Variants in CPLX2 observed in about 807,000 individuals in gnomAD.
The protein encoded by CPLX2 is complexin 2, also known as complexin-2.
Under a neutral mutation model 16.3 loss-of-function variants are expected in CPLX2, and 5 were observed. The ratio of observed to expected loss-of-function variants is 0.31; its 90% CI spans 0.16 to 0.64. The LOEUF (loss-of-function observed/expected upper bound fraction) is 0.64. CPLX2 is among the 30% of genes least tolerant of loss of function. The pLI is 0.79. For synonymous variants in CPLX2, 89 were observed against 73.2 expected, an observed-to-expected ratio of 1.22 and a Z score of -1.10; for missense variants, 144 against 181.4, an observed-to-expected ratio of 0.79 and a Z score of 1.18.
intron 2 of CPLX2, among the ~76,000 whole-genome samples, chr5:175,817,135 T>C (rs576911362): frequency 6.6e-6 from 1 of 152,368 alleles, no homozygotes; most frequent in African/African-American, 2.4e-5. Flanking sequence ...TCCAAGACAC[T>C]TGCCATGCTT....
chr5:175,837,111 C>G (rs1403244104), intron 2 of CPLX2, among the ~76,000 whole-genome samples: 1 of 152,234 alleles, frequency 6.6e-6, no homozygotes, highest in Non-Finnish European at 1.5e-5. Flanking sequence ...TTCTCCACAC[C>G]TGCAAGGTGG....
intron 2 of CPLX2, among the ~76,000 whole-genome samples, chr5:175,842,508 C>T (rs1390229628): frequency 6.6e-6 from 1 of 152,240 alleles, no homozygotes; most frequent in Non-Finnish European, 1.5e-5. Context: ...GCCCCGCTTC[C>T]TGATTGTGCC....
At chr5:175,875,084 C>G (rs1237219600) in intron 1 of CPLX2, among the ~76,000 whole-genome samples, 1 of 152,132 alleles carries the variant, frequency 6.6e-6, no homozygotes, top group Non-Finnish European at 1.5e-5. Flanking sequence ...GACTGATTAC[C>G]GCAGTTTCAG....
chr5:175,864,330 C>G (rs1005369552), intron 2 of CPLX2, among the ~76,000 whole-genome samples: 1 of 152,190 alleles, frequency 6.6e-6, no homozygotes, highest in Non-Finnish European at 1.5e-5. Flanking sequence ...TGGATGGCCC[C>G]AGAGCTTTCA....
At chr5:175,807,793 T>G (rs1758237295) in intron 1 of CPLX2, among the ~76,000 whole-genome samples, 1 of 152,210 alleles carries the variant, frequency 6.6e-6, no homozygotes, top group African/African-American at 2.4e-5. Flanking sequence ...AAGAAGCTCC[T>G]ATTCCAGCAA....
At chr5:175,867,366 C>T (rs1239581219), upstream of CPLX2, among the ~76,000 whole-genome samples, 1 of 152,164 alleles carries the variant, frequency 6.6e-6, no homozygotes, top group Admixed American at 6.5e-5. Flanking sequence ...CACAGGACTA[C>T]ACCATTTCAT....
intron 2 of CPLX2, among the ~76,000 whole-genome samples, chr5:175,810,097 G>C (rs1002715908): frequency 6.6e-6 from 1 of 152,182 alleles, no homozygotes. Flanking sequence ...GAGGTGGGAG[G>C]GGGGCCTCCC....
rs1214548894 is a variant in CPLX2, at chr5:175,831,933, C to T, written c.-89+22865C>T. Among the ~76,000 whole-genome samples, 4 of 152,250 alleles carry T rather than the reference C, an allele frequency of 2.6e-5. No individual in the cohort carries two copies. In the East Asian group the frequency reaches 7.7e-4, roughly 29 times the overall value. On this transcript the variant is annotated intron_variant, in intron 2 of 4. Coordinates refer to the CPLX2 transcript ENST00000359546. The stretch of plus-strand genomic sequence containing the variant: ...GAAAGGGCCTTCTAAGCTGGGGGCA[C>T]GAGTTATGCCAAGGCAACTTATCCA...
At chr5:175,799,321 G>A (rs900824677) in intron 1 of CPLX2, among the ~76,000 whole-genome samples, 1 of 151,992 alleles carries the variant, frequency 6.6e-6, no homozygotes, top group Non-Finnish European at 1.5e-5. Flanking sequence ...ATGAGGAAGA[G>A]GGGGTAAAAA....
chr5:175,814,607 T>A (rs1758371999), intron 2 of CPLX2, among the ~76,000 whole-genome samples: 1 of 151,968 alleles, frequency 6.6e-6, no homozygotes. Flanking sequence ...GGGCTGGGTG[T>A]GAATTAGGGT....
intron 2 of CPLX2, among the ~76,000 whole-genome samples, chr5:175,835,474 T>C (rs1758812009): frequency 6.6e-6 from 1 of 152,170 alleles, no homozygotes; most frequent in South Asian, 2.1e-4. Flanking sequence ...GTAAATTAGC[T>C]TGATACAGAA....
intron 2 of CPLX2, among the ~76,000 whole-genome samples, chr5:175,834,516 A>G (rs528729343): frequency 1.1e-4 from 17 of 152,268 alleles, no homozygotes; most frequent in Admixed American, 3.9e-4. Context: ...GGTGGGAGGA[A>G]GCACAGTGGG....
chr5:175,871,421 G>C (rs1279676792), upstream of CPLX2: 26 of 115,032 alleles, frequency 2.3e-4, no homozygotes, highest in African/African-American at 8.8e-4. Flanking sequence ...GAGAGAGAGA[G>C]AGAGAGAGAG....
rs779865970 is a variant in CPLX2, at chr5:175,851,472, G to A, written c.-88-27180G>A. Among the ~76,000 whole-genome samples the A allele has an allele frequency of 3.4e-4, 51 of 152,178 alleles. 1 individual carries two copies. The highest frequency in any genetic ancestry group is 2.4e-4 in the Non-Finnish European group (16 of 68,036). The stretch of plus-strand genomic sequence containing the variant: ...TGAAAAGGGTGTGGAGAAGAAACAC[G>A]TGACTGGAGGGAGATTTCCCCCACA... On this transcript the variant is annotated intron_variant, in intron 2 of 4. Transcript: ENST00000359546.
At chr5:175,832,068 G>C (rs1481969372) in intron 2 of CPLX2, among the ~76,000 whole-genome samples, 1 of 152,136 alleles carries the variant, frequency 6.6e-6, no homozygotes, top group Non-Finnish European at 1.5e-5. Flanking sequence ...CCACCATCTG[G>C]GATTTATTCA....
At chr5:175,864,924 T>A (rs940827970) in intron 2 of CPLX2, among the ~76,000 whole-genome samples, 2 of 152,170 alleles carry the variant, frequency 1.3e-5, no homozygotes, top group African/African-American at 4.8e-5. Context: ...GAGAAAGTCC[T>A]TTCCCCTTTC....
chr5:175,844,257 A>G (rs1271937434), intron 2 of CPLX2, among the ~76,000 whole-genome samples: 2 of 152,238 alleles, frequency 1.3e-5, no homozygotes, highest in Non-Finnish European at 2.9e-5. Flanking sequence ...AGCGGGATGG[A>G]GACAGGGGCT....
At chr5:175,824,515 G>T (rs908098724) in intron 2 of CPLX2, among the ~76,000 whole-genome samples, 22 of 152,178 alleles carry the variant, frequency 1.4e-4, no homozygotes, top group African/African-American at 4.6e-4. Flanking sequence ...CTTGCCCAAG[G>T]CCACAGGATC....
chr5:175,844,895 G>A (rs1422601227), intron 2 of CPLX2, among the ~76,000 whole-genome samples: 1 of 152,224 alleles, frequency 6.6e-6, no homozygotes, highest in Non-Finnish European at 1.5e-5. Context: ...TCGAGGGCTG[G>A]ATTGTATTTC....
Sources: allele counts gnomAD v4.1 joint callset (sites outside exome capture counted in the v4.1 genomes callset), GRCh38; gene constraint gnomAD v4.1.1; transcripts MANE v1.5; gene names NCBI Gene and HGNC (gene_info 2026-07-23, HGNC 2026-07-21).